Variants in FHIT observed in about 807,000 individuals in gnomAD.
FHIT encodes bis(5'-adenosyl)-triphosphatase.
FHIT carries 19 observed loss-of-function variants against 17.9 expected under a neutral mutation model. That is an observed-to-expected ratio of 1.06 (90% CI 0.74 to 1.56). The LOEUF (loss-of-function observed/expected upper bound fraction) is 1.56, where lower values mean the gene tolerates loss of function less well. Ranked by LOEUF, FHIT falls within the 40% of genes most tolerant of loss-of-function variation. The probability of loss-of-function intolerance (pLI) is 0.00; values close to 1 mark genes in which losing one functional copy is unlikely to be tolerated. For missense variants in FHIT, 248 were observed against 189.2 expected (o/e 1.31, Z -1.82); for synonymous variants, 81 against 69.7 (o/e 1.16, Z -0.81).
At chr3:60,785,461 T>G (rs2108105885) in intron 4 of FHIT, among the ~76,000 whole-genome samples, 1 of 152,318 alleles carries the variant, frequency 6.6e-6, no homozygotes, top group Admixed American at 6.5e-5. Flanking sequence ...CTGGATTCAT[T>G]TTGCCAACAT....
chr3:61,105,755 C>A (rs577482329), intron 2 of FHIT, among the ~76,000 whole-genome samples: 103 of 152,114 alleles, frequency 6.8e-4, no homozygotes, highest in Non-Finnish European at 1.1e-3. Context: ...TCACAACCAG[C>A]CTATCAACAT....
chr3:60,144,057 T>G (rs1314542631), intron 5 of FHIT, among the ~76,000 whole-genome samples: 1 of 150,638 alleles, frequency 6.6e-6, no homozygotes, highest in East Asian at 1.9e-4. Flanking sequence ...CACACTGGAC[T>G]GAGAAATCAG....
At position 60,286,537 on chromosome 3, in the gene FHIT, T is replaced by C. The variant is rs574751561; in HGVS notation, c.103+250323A>G. Among the ~76,000 whole-genome samples the C allele has an allele frequency of 5.9e-5, 9 of 152,306 alleles. No homozygotes were observed. The South Asian group carries it at 1.0e-3, about 18-fold the overall frequency. On this transcript the variant is annotated intron_variant, in intron 5 of 9. Transcript: ENST00000492590. ...AAGTAATTTACAGTAACTCTTATGG[T>C]ACCCAATCTTTCTCTCACAGTGATA...
At chr3:60,462,285 G>A (rs1559934339) in intron 5 of FHIT, among the ~76,000 whole-genome samples, 1 of 152,160 alleles carries the variant, frequency 6.6e-6, no homozygotes, top group Non-Finnish European at 1.5e-5. Flanking sequence ...GAGGTACAGT[G>A]ATCACTCCCC....
At chr3:60,273,300 T>C (rs1009719619) in intron 5 of FHIT, among the ~76,000 whole-genome samples, 1 of 151,828 alleles carries the variant, frequency 6.6e-6, no homozygotes. Context: ...ATTGGAAGTG[T>C]AATTCTTCTG....
chr3:59,819,793 A>T (rs1038587446), intron 8 of FHIT, among the ~76,000 whole-genome samples: 1 of 152,248 alleles, frequency 6.6e-6, no homozygotes, highest in Non-Finnish European at 1.5e-5. Context: ...GTTGGAACTT[A>T]AGACCCAATG....
chr3:60,621,537 A>C (rs572020472), intron 4 of FHIT, among the ~76,000 whole-genome samples: 1 of 152,180 alleles, frequency 6.6e-6, no homozygotes, highest in East Asian at 1.9e-4. Flanking sequence ...ATCATTCTGA[A>C]ATTTGGACAG....
intron 8 of FHIT, among the ~76,000 whole-genome samples, chr3:59,826,057 G>A (rs775350542): frequency 1.9e-4 from 29 of 152,114 alleles, no homozygotes; most frequent in Non-Finnish European, 3.2e-4. Context: ...CTTCTTTAAC[G>A]ATCTCCAGTT....
At chr3:61,104,322 A>G (rs888871997) in intron 2 of FHIT, among the ~76,000 whole-genome samples, 3 of 152,186 alleles carry the variant, frequency 2.0e-5, no homozygotes, top group South Asian at 4.1e-4. Flanking sequence ...TCCTTCGTTT[A>G]TGAAGCTTAG....
intron 8 of FHIT, among the ~76,000 whole-genome samples, chr3:59,814,078 G>A (rs1029690828): frequency 4.1e-5 from 4 of 98,114 alleles, no homozygotes; most frequent in African/African-American, 8.3e-5. Flanking sequence ...ACACACACCC[G>A]ACGGTGAATT....
chr3:60,964,804 T>G (rs1709638057), intron 3 of FHIT, among the ~76,000 whole-genome samples: 1 of 152,220 alleles, frequency 6.6e-6, no homozygotes, highest in Non-Finnish European at 1.5e-5. Context: ...AGATCTGTTG[T>G]TAGTCTGATG....
chr3:60,193,958 G>C (rs1057128586), intron 5 of FHIT, among the ~76,000 whole-genome samples: 1 of 152,174 alleles, frequency 6.6e-6, no homozygotes, highest in Non-Finnish European at 1.5e-5. Context: ...ACACAAATGT[G>C]AAGACATCCA....
chr3:60,322,696 G>A (rs1339583824), intron 5 of FHIT, among the ~76,000 whole-genome samples: 1 of 152,166 alleles, frequency 6.6e-6, no homozygotes, highest in Non-Finnish European at 1.5e-5. Flanking sequence ...AGATTAATAA[G>A]TACAATCGTA....
At chr3:61,139,239 CA>C (rs1459367268) in intron 2 of FHIT, among the ~76,000 whole-genome samples, 1 of 152,072 alleles carries the variant, frequency 6.6e-6, no homozygotes, top group Non-Finnish European at 1.5e-5. Flanking sequence ...CTGTGTTAGC[CA>C]GGATGGTCTC....
At position 60,125,628 on chromosome 3, in the gene FHIT, A is replaced by C. The variant is rs190104826; in HGVS notation, c.104-111476T>G. Reference sequence around the variant, plus strand: ...ACAAGACACTGTCTCAAAAAAAAAAAAAAGTGTATATATACATATGTGTGT... The same window carrying C: ...ACAAGACACTGTCTCAAAAAAAAAACAAAGTGTATATATACATATGTGTGT... On this transcript the variant is annotated intron_variant, in intron 5 of 9. Transcript: ENST00000492590. 2.0e-5 allele frequency among the ~76,000 whole-genome samples: 3 copies of C among 151,468 alleles called. No individual in the cohort carries two copies. In the East Asian group the frequency reaches 5.8e-4, roughly 29 times the overall value.
chr3:60,414,140 A>C (rs1017654315), intron 5 of FHIT, among the ~76,000 whole-genome samples: 1 of 152,198 alleles, frequency 6.6e-6, no homozygotes, highest in African/African-American at 2.4e-5. Context: ...AAATTCTAGG[A>C]TCTAGATGGA....
chr3:60,522,356 T>C (rs1336262835), intron 5 of FHIT, among the ~76,000 whole-genome samples: 2 of 152,168 alleles, frequency 1.3e-5, no homozygotes, highest in Non-Finnish European at 2.9e-5. Flanking sequence ...AGTGATCACC[T>C]GCCTCAGCCT....
intron 4 of FHIT, among the ~76,000 whole-genome samples, chr3:60,742,144 C>A (rs2042253461): frequency 6.6e-6 from 1 of 152,128 alleles, no homozygotes; most frequent in Non-Finnish European, 1.5e-5. Context: ...GTCACAAGGT[C>A]TTAGAAAGGA....
chr3:61,145,834 A>T (rs570018008), intron 2 of FHIT, among the ~76,000 whole-genome samples: 1 of 152,200 alleles, frequency 6.6e-6, no homozygotes, highest in African/African-American at 2.4e-5. Flanking sequence ...TATAGAAATA[A>T]GATTTATTTT....
Sources: gnomAD v4.1 joint callset for allele counts (sites outside exome capture counted in the v4.1 genomes callset) on GRCh38, gnomAD v4.1.1 for gene constraint, MANE v1.5 for transcripts, NCBI Gene and HGNC (gene_info 2026-07-23, HGNC 2026-07-21) for gene names.